Variants in MACROD2 observed in about 807,000 individuals in gnomAD.
MACROD2 encodes the protein ADP-ribose glycohydrolase MACROD2.
MACROD2 carries 36 observed loss-of-function variants against 70.4 expected under a neutral mutation model. The observed-to-expected ratio is 0.51, with a 90% CI of 0.39 to 0.68. The LOEUF is 0.68. Among genes scored for constraint, MACROD2 ranks in the 30% least tolerant of loss-of-function variants. The pLI is 0.00. For missense variants in MACROD2, 496 were observed against 538.4 expected, an observed-to-expected ratio of 0.92 and a Z score of 0.78; for synonymous variants, 172 against 178.8, an observed-to-expected ratio of 0.96 and a Z score of 0.30.
At chr20:15,784,217 A>G (rs1028218227) in intron 8 of MACROD2, among the ~76,000 whole-genome samples, 2 of 152,134 alleles carry the variant, frequency 1.3e-5, no homozygotes, top group South Asian at 2.1e-4. Context: ...TCCCCAGCGC[A>G]TGTGTATTGA....
At chr20:15,628,688 G>A (rs2049243334) in intron 8 of MACROD2, among the ~76,000 whole-genome samples, 1 of 152,222 alleles carries the variant, frequency 6.6e-6, no homozygotes, top group Non-Finnish European at 1.5e-5. Flanking sequence ...GCTGGCAGAT[G>A]GGCTAGTCTA....
intron 8 of MACROD2, among the ~76,000 whole-genome samples, chr20:15,584,108 A>G (rs1399538994): frequency 6.6e-6 from 1 of 152,272 alleles, no homozygotes; most frequent in Non-Finnish European, 1.5e-5. Context: ...TTTACCCCAT[A>G]GAAGTATTCC....
intron 5 of MACROD2, among the ~76,000 whole-genome samples, chr20:15,122,066 A>C (rs1436633941): frequency 6.6e-6 from 1 of 152,194 alleles, no homozygotes; most frequent in Non-Finnish European, 1.5e-5. Flanking sequence ...TTTTCTTAAC[A>C]CATTAATGAT....
At chr20:15,999,580 C>G (rs1030274732) in intron 15 of MACROD2, among the ~76,000 whole-genome samples, 1 of 152,070 alleles carries the variant, frequency 6.6e-6, no homozygotes, top group Non-Finnish European at 1.5e-5. Context: ...TTAAAGTCCC[C>G]TACTATTATT....
intron 5 of MACROD2, among the ~76,000 whole-genome samples, chr20:14,956,164 G>A (rs556052669): frequency 6.6e-6 from 1 of 152,114 alleles, no homozygotes; most frequent in South Asian, 2.1e-4. Context: ...AAGGAAAAAG[G>A]GGAAAAAAGC....
rs1484295583 is a variant in MACROD2, at chr20:14,396,976, T to TTTAGACCA, written c.272-96500_272-96493dup. Among the ~76,000 whole-genome samples, 3 of 140,530 alleles carry TTTAGACCA rather than the reference T, an allele frequency of 2.1e-5. No homozygotes were observed. The Admixed American group carries it at 2.4e-4, about 11-fold the overall frequency. 92.2% of individuals were successfully genotyped at this position (140,530 alleles called of 152,430 possible). ...TAGTTGTTAATTTTTAATTGGTATA[T>TTTAGACCA]TTAGACCATTTACTTTTTTTTTTTT... On this transcript the variant is annotated intron_variant, in intron 3 of 17. Coordinates refer to ENST00000684519, the MANE Select transcript of MACROD2 (RefSeq NM_001351661.2).
At position 15,012,004 on chromosome 20, in the gene MACROD2, C is replaced by T. The variant is rs1005078108; in HGVS notation, c.419-217936C>T. On this transcript the variant is annotated intron_variant, in intron 5 of 17. Transcript: ENST00000684519. ...AACAAATAGGGTGTTTTGGTTGTTC[C>T]CTGTAGCCCATGCTACTGCTGGATG... is the stretch of plus-strand genomic sequence containing the variant. 3.3e-5 allele frequency among the ~76,000 whole-genome samples: 5 copies of T among 152,208 alleles called. No individual in the cohort carries two copies. In the East Asian group the frequency reaches 7.7e-4, roughly 24 times the overall value.
chr20:15,349,731 G>A (rs2078206359), intron 6 of MACROD2, among the ~76,000 whole-genome samples: 1 of 144,158 alleles, frequency 6.9e-6, no homozygotes, highest in African/African-American at 2.6e-5. Flanking sequence ...ACTCCATCCT[G>A]GATGACAGAG....
intron 7 of MACROD2, among the ~76,000 whole-genome samples, chr20:15,442,611 G>C (rs2046510631): frequency 6.6e-6 from 1 of 152,110 alleles, no homozygotes; most frequent in Non-Finnish European, 1.5e-5. Context: ...AATTGGTCTT[G>C]TGACCAATGT....
chr20:14,150,063 C>T (rs1459494160), intron 3 of MACROD2, among the ~76,000 whole-genome samples: 1 of 151,922 alleles, frequency 6.6e-6, no homozygotes, highest in Admixed American at 6.6e-5. Flanking sequence ...CTCTCTCTCC[C>T]CACCTTTCCC....
intron 6 of MACROD2, among the ~76,000 whole-genome samples, chr20:15,263,383 G>A (rs1395294900): frequency 6.6e-6 from 1 of 151,612 alleles, no homozygotes; most frequent in Non-Finnish European, 1.5e-5. Flanking sequence ...TGTTTTGTTG[G>A]TCTATGTGCC....
chr20:14,256,567 C>T (rs1282164887), intron 3 of MACROD2, among the ~76,000 whole-genome samples: 3 of 152,176 alleles, frequency 2.0e-5, no homozygotes, highest in South Asian at 4.1e-4. Flanking sequence ...GGCAGTATTC[C>T]ATGATTACCT....
intron 7 of MACROD2, among the ~76,000 whole-genome samples, chr20:15,482,602 T>A (rs1466304703): frequency 6.6e-6 from 1 of 152,106 alleles, no homozygotes; most frequent in Non-Finnish European, 1.5e-5. Context: ...GATTGCTGGG[T>A]AGTGTGATAA....
At chr20:15,121,091 C>CT (rs1298735709) in intron 5 of MACROD2, among the ~76,000 whole-genome samples, 1 of 152,126 alleles carries the variant, frequency 6.6e-6, no homozygotes, top group East Asian at 1.9e-4. Context: ...TTTGATACAG[C>CT]TATTCTATGA....
intron 5 of MACROD2, among the ~76,000 whole-genome samples, chr20:15,104,492 C>G (rs1409959629): frequency 1.3e-5 from 2 of 152,064 alleles, no homozygotes; most frequent in African/African-American, 4.8e-5. Flanking sequence ...TTGAAGACTG[C>G]AAAAAGATGG....
intron 4 of MACROD2, among the ~76,000 whole-genome samples, chr20:14,538,776 G>A (rs948355748): frequency 3.3e-5 from 5 of 152,054 alleles, no homozygotes; most frequent in South Asian, 2.1e-4. Flanking sequence ...TCTGCTGACC[G>A]CCCCCCTCTC....
chr20:14,195,154 G>T (rs2081419531), intron 3 of MACROD2, among the ~76,000 whole-genome samples: 1 of 152,114 alleles, frequency 6.6e-6, no homozygotes, highest in Admixed American at 6.5e-5. Context: ...TTATTAAAAT[G>T]AGTTTTATTT....
chr20:14,463,818 T>G (rs1400767933), intron 3 of MACROD2, among the ~76,000 whole-genome samples: 1 of 152,076 alleles, frequency 6.6e-6, no homozygotes, highest in Non-Finnish European at 1.5e-5. Context: ...TTGGTTCTGT[T>G]TATATGCTGG....
intron 7 of MACROD2, among the ~76,000 whole-genome samples, chr20:15,478,064 C>T (rs899189194): frequency 3.3e-5 from 5 of 152,204 alleles, no homozygotes; most frequent in African/African-American, 9.7e-5. Context: ...ATGATTTTTG[C>T]TCAGTAAAAT....
Sources: allele counts gnomAD v4.1 joint callset (sites outside exome capture counted in the v4.1 genomes callset), GRCh38; gene constraint gnomAD v4.1.1; transcripts MANE v1.5; gene names NCBI Gene and HGNC (gene_info 2026-07-23, HGNC 2026-07-21).